CDH7: variants seen among roughly 807,000 people sequenced by gnomAD.
The protein encoded by CDH7 is cadherin 7, also known as cadherin-7.
A neutral mutation model predicts 71.8 loss-of-function variants in CDH7; 25 were observed. The observed-to-expected ratio is 0.35, with a 90% CI of 0.25 to 0.49. The LOEUF (loss-of-function observed/expected upper bound fraction) is 0.49. Ranked by LOEUF, CDH7 falls within the 20% of genes least tolerant of loss-of-function variation. CDH7 has a pLI of 0.99. For synonymous variants in CDH7, 381 were observed against 363.8 expected, an observed-to-expected ratio of 1.05 and a Z score of -0.54; for missense variants, 862 against 974.6, an observed-to-expected ratio of 0.88 and a Z score of 1.54.
Position 65,889,740 on chromosome 18 carries a change from T to G in CDH7, c.*8846T>G. The G allele has an allele frequency of 6.6e-6, 1 of 152,216 alleles. No individual in the cohort carries two copies. Among genetic ancestry groups the G allele is most frequent in the African/African-American group, 2.4e-5 (1 of 41,458 alleles). The allele number at this position is 152,216 out of a possible 1,614,324, so 9.4% of individuals were successfully genotyped here. A position where few individuals can be genotyped will look rare whatever the true frequency, so the allele number is the denominator to read the frequency against. On this transcript the variant is annotated 3_prime_UTR_variant, in exon 12 of 12. Transcript: ENST00000397968. The stretch of plus-strand genomic sequence containing the variant: ...GAAGTACTATGGAGATTGTATATAC[T>G]ATATTAGACACTGTGCAAGAAGGAA...
Position 65,862,654 on chromosome 18 carries a change from T to G in CDH7, c.1613-12T>G, listed in dbSNP as rs1161923615. On this transcript the variant is annotated splice_polypyrimidine_tract_variant and intron_variant, in intron 10 of 11. Transcript: ENST00000397968. ...GAAATCTGGTGTTATACATTTGCTT[T>G]CGTTATCCTAGACAACACAGCCTCA... The G allele has an allele frequency of 6.2e-7, 1 of 1,611,716 alleles. No homozygotes were observed. The highest frequency in any genetic ancestry group is 8.5e-7 in the Non-Finnish European group (1 of 1,178,216).
chr18:65,782,155 T>C (rs1264398173), intron 2 of CDH7, among the ~76,000 whole-genome samples: 1 of 119,078 alleles, frequency 8.4e-6, no homozygotes. Context: ...TCTTTCTTTC[T>C]TTCTTTCTTC....
chr18:65,845,475 G>C (rs1237080574), intron 7 of CDH7, among the ~76,000 whole-genome samples: 1 of 152,040 alleles, frequency 6.6e-6, no homozygotes, highest in Non-Finnish European at 1.5e-5. Flanking sequence ...TCATGGTCAA[G>C]AAAACTTTCT....
intron 2 of CDH7, among the ~76,000 whole-genome samples, chr18:65,777,737 A>G (rs1001637123): frequency 1.3e-5 from 2 of 152,196 alleles, no homozygotes; most frequent in African/African-American, 4.8e-5. Flanking sequence ...TTTAAAGAGT[A>G]TATAAGAATA....
At chr18:65,809,441 C>T (rs1911444220) in intron 2 of CDH7, among the ~76,000 whole-genome samples, 1 of 152,172 alleles carries the variant, frequency 6.6e-6, no homozygotes, top group African/African-American at 2.4e-5. Flanking sequence ...AATAACACTA[C>T]AACCAGTTCC....
At chr18:65,799,460 G>A (rs1365693849) in intron 2 of CDH7, among the ~76,000 whole-genome samples, 24 of 152,110 alleles carry the variant, frequency 1.6e-4, no homozygotes, top group Admixed American at 7.9e-4. Flanking sequence ...GGCGGATCAC[G>A]AGGTCAGGAG....
Position 65,859,810 on chromosome 18 carries a change from T to C in CDH7, c.1597T>C (p.Leu533=), listed in dbSNP as rs778859390. 6 of 1,587,342 alleles carry C rather than the reference T, an allele frequency of 3.8e-6. No individual in the cohort carries two copies. The highest frequency in any genetic ancestry group is 1.1e-5 in the South Asian group (1 of 90,516). The change falls in exon 10 of 12, where the codon TTG becomes CTG. Residue 533 remains leucine (L), a synonymous_variant. Transcript: ENST00000397968. ...TDATNNHNFS[L]KDNKDNTASI... ...TGCAACAAATAACCACAACTTTTCA[T>C]TGAAAGATAACAAAGGTAATGTATT...
At chr18:65,856,043 T>A (rs1398551972) in intron 7 of CDH7, among the ~76,000 whole-genome samples, 5 of 151,790 alleles carry the variant, frequency 3.3e-5, no homozygotes, top group African/African-American at 1.2e-4. Context: ...GTAAGGACAC[T>A]CAGGCAGTGT....
intron 11 of CDH7, among the ~76,000 whole-genome samples, chr18:65,875,628 T>C (rs1250515767): frequency 6.6e-6 from 1 of 152,314 alleles, no homozygotes; most frequent in African/African-American, 2.4e-5. Flanking sequence ...GGCTCACACC[T>C]GTAATGCTAA....
chr18:65,824,813 A>C lies in CDH7; in HGVS notation c.963A>C (p.Gly321=), dbSNP rs747171025. The change falls in exon 6 of 12, where the codon GGA becomes GGC. Residue 321 remains glycine, a synonymous_variant. Coordinates refer to ENST00000397968, the MANE Select transcript of CDH7 (RefSeq NM_004361.5). The part of the protein sequence containing the change: ...KISVDKETQE[G]IITIQKELDF... ...CTGTTGACAAAGAAACCCAGGAAGG[A>C]ATCATTACTATACAGAAGGTAATGT... 6.8e-6 allele frequency: 11 copies of C among 1,608,778 alleles called. No individual in the cohort carries two copies. The highest frequency in any genetic ancestry group is 6.8e-6 in the Non-Finnish European group (8 of 1,175,922).
intron 2 of CDH7, among the ~76,000 whole-genome samples, chr18:65,786,667 T>G (rs1270124709): frequency 6.6e-6 from 1 of 152,246 alleles, no homozygotes; most frequent in East Asian, 1.9e-4. Context: ...CTTGGCTGCT[T>G]CTTTTTCTCT....
chr18:65,784,809 T>C (rs1475086951), intron 2 of CDH7, among the ~76,000 whole-genome samples: 1 of 152,186 alleles, frequency 6.6e-6, no homozygotes, highest in Admixed American at 6.6e-5. Flanking sequence ...CTAACAAATA[T>C]GTCGAGAAGT....
At position 65,884,832 on chromosome 18, in the gene CDH7, CTAA is replaced by C. The variant is rs1038224032; in HGVS notation, c.*3945_*3947del. The C allele has an allele frequency of 1.3e-5, 2 of 152,156 alleles. No individual in the cohort carries two copies. Among genetic ancestry groups the C allele is most frequent in the Non-Finnish European group, 2.9e-5 (2 of 68,028 alleles). The allele number at this position is 152,156 out of a possible 1,614,324, so 9.4% of individuals were successfully genotyped here. ...AACATGTATTCACTTACAAACTGTT[CTAA>C]TAATAACACTAATTATTTTCCAAGT... On this transcript the variant is annotated 3_prime_UTR_variant, in exon 12 of 12. Transcript: ENST00000397968.
chr18:65,842,759 T>C (rs1912780793), intron 6 of CDH7, among the ~76,000 whole-genome samples: 1 of 151,782 alleles, frequency 6.6e-6, no homozygotes, highest in African/African-American at 2.4e-5. Context: ...CAATTCTTAG[T>C]ATTACATATT....
Position 65,859,773 on chromosome 18 carries a change from C to T in CDH7, c.1560C>T (p.Ser520=). 1 of 1,611,734 alleles carries T rather than the reference C, an allele frequency of 6.2e-7. No homozygotes were observed. ...CCAATGGACACCAGTTTTACTTCAG[C>T]TTAACAACGGATGCAACAAATAACC... ...EPSNGHQFYF[S]LTTDATNNHN... The change falls in exon 10 of 12, where the codon AGC becomes AGT. Residue 520 remains serine (S), a synonymous_variant. Transcript: ENST00000397968.
chr18:65,860,327 G>C (rs1044935652), intron 10 of CDH7, among the ~76,000 whole-genome samples: 34 of 152,006 alleles, frequency 2.2e-4, no homozygotes, highest in Admixed American at 5.2e-4. Flanking sequence ...TATTTATGAT[G>C]CTAAGAAATA....
rs1482299125 is a variant in CDH7 at position 65,880,685 on chromosome 18, G to A, written c.2149G>A (p.Glu717Lys). 1 of 1,614,054 alleles carries A rather than the reference G, an allele frequency of 6.2e-7. No individual in the cohort carries two copies. Among genetic ancestry groups the A allele is most frequent in the South Asian group, 1.1e-5 (1 of 91,068 alleles). ...FREFIWERLK[E>K]ADVDPGAPPY... ...GGAATTTATTTGGGAAAGATTAAAA[G>A]AAGCCGATGTTGATCCTGGTGCTCC... Residue 717 changes from glutamate (E) to lysine (K), a missense_variant, in exon 12 of 12, where the codon GAA becomes AAA. Glu to Lys is a moderately conservative substitution (Grantham distance 56). Coordinates refer to ENST00000397968, the MANE Select transcript of CDH7 (RefSeq NM_004361.5).
intron 2 of CDH7, among the ~76,000 whole-genome samples, chr18:65,784,132 T>G (rs1910422464): frequency 6.9e-6 from 1 of 144,812 alleles, no homozygotes; most frequent in Non-Finnish European, 1.5e-5. Flanking sequence ...TTTTTTTTTT[T>G]GTAGAGATTG....
chr18:65,874,185 G>T (rs1263783090), intron 11 of CDH7, among the ~76,000 whole-genome samples: 1 of 152,060 alleles, frequency 6.6e-6, no homozygotes, highest in Non-Finnish European at 1.5e-5. Flanking sequence ...TAAACCTGTG[G>T]TAGTAGCCAC....
Sources: gnomAD v4.1 joint callset for allele counts (sites outside exome capture counted in the v4.1 genomes callset) on GRCh38, gnomAD v4.1.1 for gene constraint, MANE v1.5 for transcripts, NCBI Gene and HGNC (gene_info 2026-07-23, HGNC 2026-07-21) for gene names.